Variants in OTUD7A observed in about 807,000 individuals in gnomAD.
OTUD7A encodes the protein OTU deubiquitinase 7A, also known as OTU domain-containing protein 7A.
Under a neutral mutation model 65.7 loss-of-function variants are expected in OTUD7A, and 12 were observed. The ratio of observed to expected loss-of-function variants is 0.18; its 90% CI spans 0.12 to 0.30. The LOEUF (loss-of-function observed/expected upper bound fraction) is 0.30, where lower values mean the gene tolerates loss of function less well. Ranked by LOEUF, OTUD7A falls within the 10% of genes least tolerant of loss-of-function variation. The pLI is 1.00. For missense variants in OTUD7A, 1,148 were observed against 1,304.8 expected (o/e 0.88, Z 1.85); for synonymous variants, 641 against 586.3 (o/e 1.09, Z -1.35).
At chr15:31,583,816 A>C (rs1055013593) in intron 3 of OTUD7A, among the ~76,000 whole-genome samples, 5 of 152,136 alleles carry the variant, frequency 3.3e-5, no homozygotes, top group Non-Finnish European at 7.4e-5. Context: ...CATGACCTCC[A>C]GGGAACCCTG....
chr15:31,763,281 T>TCAACAACAA (rs372323034), intron 1 of OTUD7A, among the ~76,000 whole-genome samples: 1 of 150,992 alleles, frequency 6.6e-6, no homozygotes, highest in Admixed American at 6.6e-5. Flanking sequence ...AGACTCCATC[T>TCAACAACAA]CAACAACAAC....
At chr15:31,724,536 T>C (rs982725506) in intron 1 of OTUD7A, among the ~76,000 whole-genome samples, 8 of 152,210 alleles carry the variant, frequency 5.3e-5, no homozygotes, top group African/African-American at 1.9e-4. Context: ...ATGCCTCTGA[T>C]GCAATCCTAA....
intron 10 of OTUD7A, among the ~76,000 whole-genome samples, chr15:31,494,454 T>G (rs1373467585): frequency 6.6e-6 from 1 of 152,166 alleles, no homozygotes; most frequent in African/African-American, 2.4e-5. Context: ...GAAATAAATT[T>G]CTATTGTTTA....
intron 1 of OTUD7A, chr15:31,768,202 A>G (rs568725368): frequency 1.4e-5 from 16 of 1,137,492 alleles, no homozygotes; most frequent in Non-Finnish European, 2.1e-5. Flanking sequence ...GACTCTCCAC[A>G]GGTCTGTCAG....
At chr15:31,579,972 T>C (rs997036134) in intron 3 of OTUD7A, among the ~76,000 whole-genome samples, 1 of 152,210 alleles carries the variant, frequency 6.6e-6, no homozygotes, top group Non-Finnish European at 1.5e-5. Context: ...CTATGTGCTA[T>C]GTAGAAGTAC....
At chr15:31,511,833 T>C (rs1388798727) in intron 8 of OTUD7A, among the ~76,000 whole-genome samples, 1 of 151,858 alleles carries the variant, frequency 6.6e-6, no homozygotes, top group Non-Finnish European at 1.5e-5. Context: ...CCCATGGGGA[T>C]TTCTCACCTC....
intron 12 of OTUD7A, among the ~76,000 whole-genome samples, chr15:31,486,765 T>C (rs1016574205): frequency 2.6e-5 from 4 of 152,222 alleles, no homozygotes; most frequent in African/African-American, 9.6e-5. Context: ...CCCACACGGT[T>C]TGTAATTAAT....
intron 1 of OTUD7A, among the ~76,000 whole-genome samples, chr15:31,863,718 G>T (rs1897806209): frequency 6.6e-6 from 1 of 152,192 alleles, no homozygotes; most frequent in South Asian, 2.1e-4. Context: ...GGGCTGCCAT[G>T]AAGGTCTCTG....
chr15:31,518,683 G>A (rs141717806), intron 8 of OTUD7A, among the ~76,000 whole-genome samples: 100 of 152,318 alleles, frequency 6.6e-4, no homozygotes, highest in Middle Eastern at 3.4e-3. Context: ...CAGGTGCAAG[G>A]TTCTCCTCAT....
At chr15:31,515,369 A>C (rs1316388086) in intron 8 of OTUD7A, among the ~76,000 whole-genome samples, 1 of 152,120 alleles carries the variant, frequency 6.6e-6, no homozygotes, top group Non-Finnish European at 1.5e-5. Flanking sequence ...CAACAGCGTG[A>C]AGGCTCAGTA....
At chr15:31,496,810 CTGTT>C (rs2041391360) in intron 10 of OTUD7A, among the ~76,000 whole-genome samples, 1 of 152,190 alleles carries the variant, frequency 6.6e-6, no homozygotes, top group Non-Finnish European at 1.5e-5. Flanking sequence ...TAGAAGTACT[CTGTT>C]TGGCTCCCAA....
intron 1 of OTUD7A, among the ~76,000 whole-genome samples, chr15:31,771,278 T>A (rs543060375): frequency 6.6e-6 from 1 of 152,298 alleles, no homozygotes; most frequent in South Asian, 2.1e-4. Context: ...TGGGTACCGG[T>A]TTATTGGACT....
intron 4 of OTUD7A, among the ~76,000 whole-genome samples, chr15:31,565,443 T>C (rs143246677): frequency 8.9e-4 from 135 of 152,324 alleles, no homozygotes; most frequent in African/African-American, 3.1e-3. Context: ...GCTTAAAATC[T>C]GAACAGAATC....
chr15:31,487,443 G>A lies in OTUD7A; in HGVS notation c.1286+9C>T. The A allele has an allele frequency of 1.2e-6, 2 of 1,613,094 alleles. No homozygotes were observed. The highest frequency in any genetic ancestry group is 2.2e-5 in the South Asian group (2 of 90,936). The stretch of plus-strand genomic sequence containing the variant: ...GGGCGCTGGGGAAAGGGACAGAGTA[G>A]GATCTTACTGGGCCAGCCGGGCGTT... On this transcript the variant is annotated intron_variant, in intron 11 of 12. Transcript: ENST00000307050. The surrounding 1 kb of genome is among the most constrained non-coding windows in gnomAD (Gnocchi z 6.0).
chr15:31,565,857 T>G (rs969734247), intron 4 of OTUD7A, among the ~76,000 whole-genome samples: 7 of 152,176 alleles, frequency 4.6e-5, no homozygotes, highest in African/African-American at 1.7e-4. Context: ...AAATTTCAAA[T>G]TGATGAAAAG....
At chr15:31,635,790 C>T (rs1278024069) in intron 3 of OTUD7A, among the ~76,000 whole-genome samples, 1 of 152,244 alleles carries the variant, frequency 6.6e-6, no homozygotes, top group Admixed American at 6.5e-5. Flanking sequence ...TCAGGCTGCC[C>T]AGTTTTTGTA....
intron 3 of OTUD7A, among the ~76,000 whole-genome samples, chr15:31,607,234 C>G (rs936940409): frequency 2.6e-5 from 4 of 152,158 alleles, no homozygotes; most frequent in Non-Finnish European, 5.9e-5. Flanking sequence ...GAGCTTTTAA[C>G]AAGTCTTATG....
intron 1 of OTUD7A, among the ~76,000 whole-genome samples, chr15:31,703,156 T>C (rs1893252445): frequency 1.3e-5 from 2 of 152,162 alleles, no homozygotes; most frequent in African/African-American, 4.8e-5. Flanking sequence ...CAAAACTTTT[T>C]GAAAATAAAC....
chr15:31,475,638 A>G lies in OTUD7A; in HGVS notation c.*7656T>C, dbSNP rs561814412. On this transcript the variant is annotated 3_prime_UTR_variant, in exon 13 of 13. Coordinates refer to ENST00000307050, the MANE Select transcript of OTUD7A (RefSeq NM_001382637.1). ...AACTGGTTTAGTGCTTTAATACTTTACAAAGTAATATCCCAACCACAGAAG... is the reference window on the plus strand; with the variant it reads ...AACTGGTTTAGTGCTTTAATACTTTGCAAAGTAATATCCCAACCACAGAAG... 12 of 152,368 alleles carry G rather than the reference A, an allele frequency of 7.9e-5. No homozygotes were observed. The highest frequency in any genetic ancestry group is 7.2e-4 in the Admixed American group (11 of 15,302). The allele number at this position is 152,368 out of a possible 1,614,324, so 9.4% of individuals were successfully genotyped here.
Sources: allele counts gnomAD v4.1 joint callset (sites outside exome capture counted in the v4.1 genomes callset), GRCh38; gene constraint gnomAD v4.1.1; non-coding constraint Gnocchi (gnomAD v3.1); transcripts MANE v1.5; gene names NCBI Gene and HGNC (gene_info 2026-07-23, HGNC 2026-07-21).